The following EMSY variants were observed in gnomAD, a reference collection of about 807,000 sequenced individuals.
The protein encoded by EMSY is BRCA2-interacting transcriptional repressor EMSY.
EMSY carries 26 observed loss-of-function variants against 134.6 expected under a neutral mutation model. The ratio of observed to expected loss-of-function variants is 0.19; its 90% CI spans 0.14 to 0.27. EMSY has a LOEUF of 0.27. Ranked by LOEUF, EMSY falls within the 10% of genes least tolerant of loss-of-function variation. The pLI, the probability that EMSY is intolerant of heterozygous loss-of-function variation, is 1.00. For missense variants in EMSY, 1,305 were observed against 1,611.4 expected (o/e 0.81, Z 3.26); for synonymous variants, 579 against 577.8 (o/e 1.00, Z -0.03).
intron 9 of EMSY, among the ~76,000 whole-genome samples, chr11:76,500,018 A>G (rs888241368): frequency 6.6e-6 from 1 of 150,856 alleles, no homozygotes; most frequent in African/African-American, 2.4e-5. Context: ...TTGAGGTTGC[A>G]GTGAGCTATG....
chr11:76,451,427 A>G (rs1187370053), intron 2 of EMSY, among the ~76,000 whole-genome samples: 1 of 152,216 alleles, frequency 6.6e-6, no homozygotes, highest in Non-Finnish European at 1.5e-5. Flanking sequence ...TCGATTACAC[A>G]GGAGGGAGGT....
At chr11:76,538,402 G>A (rs1951305321) in intron 16 of EMSY, among the ~76,000 whole-genome samples, 1 of 152,074 alleles carries the variant, frequency 6.6e-6, no homozygotes, top group South Asian at 2.1e-4. Context: ...TGGGACTACA[G>A]GTGTGTGCCA....
chr11:76,534,391 A>G (rs1040610655), intron 14 of EMSY, among the ~76,000 whole-genome samples: 4 of 152,216 alleles, frequency 2.6e-5, no homozygotes, highest in Non-Finnish European at 1.5e-5. Context: ...GATAGCATCC[A>G]GTCTTCTGTA....
At chr11:76,531,729 T>C (rs144705319) in intron 14 of EMSY, among the ~76,000 whole-genome samples, 219 of 152,316 alleles carry the variant, frequency 1.4e-3, no homozygotes, top group African/African-American at 5.1e-3. Context: ...CCAGTAGTTT[T>C]AGCATCCATA....
chr11:76,447,879 GA>G (rs1947485451), intron 2 of EMSY, among the ~76,000 whole-genome samples: 1 of 152,066 alleles, frequency 6.6e-6, no homozygotes, highest in Admixed American at 6.5e-5. Context: ...TGAAATAATT[GA>G]AAAAAATAAT....
intron 11 of EMSY, among the ~76,000 whole-genome samples, chr11:76,518,703 A>ATATATATATATT (rs57143914): frequency 0.018 from 2,368 of 129,982 alleles, 23 homozygotes; most frequent in Middle Eastern, 0.033. Flanking sequence ...ATATATATAT[A>ATATATATATATT]TTTTTTTTTT....
intron 8 of EMSY, among the ~76,000 whole-genome samples, chr11:76,491,412 C>T (rs952600901): frequency 1.3e-5 from 2 of 152,156 alleles, no homozygotes; most frequent in African/African-American, 4.8e-5. Flanking sequence ...GAACTCCTGA[C>T]CTCAAGTGGT....
chr11:76,471,374 T>A (rs1007095014), intron 7 of EMSY, among the ~76,000 whole-genome samples: 3 of 152,196 alleles, frequency 2.0e-5, no homozygotes, highest in African/African-American at 4.8e-5. Flanking sequence ...CATTTTACAT[T>A]GGTGTGATAC....
At chr11:76,545,021 A>C (rs973261618) in intron 19 of EMSY, among the ~76,000 whole-genome samples, 199 bp downstream of exon 20, 1 of 152,212 alleles carries the variant, frequency 6.6e-6, no homozygotes, top group Non-Finnish European at 1.5e-5. Flanking sequence ...GTAGGAAGAA[A>C]AAAAAGCATA....
intron 13 of EMSY, 60 bp downstream of exon 14, chr11:76,526,695 C>T: frequency 4.2e-6 from 6 of 1,427,554 alleles, no homozygotes; most frequent in Non-Finnish European, 5.7e-6. Flanking sequence ...TCTTATAATT[C>T]CCGGGTAGAA....
chr11:76,514,014 C>T (rs1360625499), intron 10 of EMSY, among the ~76,000 whole-genome samples: 2 of 152,068 alleles, frequency 1.3e-5, no homozygotes, highest in African/African-American at 2.4e-5. Context: ...GAGGGAAGCA[C>T]AGAATGGTAT....
exon 18 of EMSY, chr11:76,542,336 C>G: frequency 6.2e-7 from 1 of 1,614,172 alleles, no homozygotes; most frequent in Non-Finnish European, 8.5e-7. Context: ...CCAGCATCTT[C>G]CCCTGGAGCA....
intron 4 of EMSY, among the ~76,000 whole-genome samples, chr11:76,456,269 A>G (rs1327088895): frequency 6.6e-6 from 1 of 152,156 alleles, no homozygotes; most frequent in African/African-American, 2.4e-5. Context: ...TTTTCACTCA[A>G]AGTTTGAGCA....
chr11:76,486,415 T>C (rs1949184690), intron 8 of EMSY, among the ~76,000 whole-genome samples: 1 of 152,186 alleles, frequency 6.6e-6, no homozygotes, highest in Non-Finnish European at 1.5e-5. Context: ...AAATGCTTTC[T>C]TGAACAGCAT....
intron 8 of EMSY, among the ~76,000 whole-genome samples, chr11:76,495,226 A>G (rs949347625): frequency 3.3e-5 from 5 of 152,228 alleles, no homozygotes; most frequent in African/African-American, 9.6e-5. Context: ...GATATTATTT[A>G]AAACCTTTTC....
intron 9 of EMSY, among the ~76,000 whole-genome samples, chr11:76,505,906 A>T (rs1250797939): frequency 6.6e-6 from 1 of 151,896 alleles, no homozygotes; most frequent in Non-Finnish European, 1.5e-5. Flanking sequence ...GCTCACACCT[A>T]TAATCCTGAC....
intron 7 of EMSY, among the ~76,000 whole-genome samples, chr11:76,465,600 T>G (rs1279793920): frequency 6.6e-6 from 1 of 151,088 alleles, no homozygotes; most frequent in African/African-American, 2.4e-5. Context: ...TCAAAGTTCC[T>G]TTAAAAAAAA....
At chr11:76,469,204 T>C (rs1476244664) in intron 7 of EMSY, among the ~76,000 whole-genome samples, 2 of 152,198 alleles carry the variant, frequency 1.3e-5, no homozygotes, top group African/African-American at 4.8e-5. Flanking sequence ...TTGCAAATAT[T>C]TGGTACAAGT....
chr11:76,531,659 T>G (rs1951045002), intron 14 of EMSY, among the ~76,000 whole-genome samples: 1 of 152,202 alleles, frequency 6.6e-6, no homozygotes, highest in South Asian at 2.1e-4. Context: ...CCTTTCAGAT[T>G]AATTGTAATT....
Sources: allele counts gnomAD v4.1 joint callset (sites outside exome capture counted in the v4.1 genomes callset), GRCh38; gene constraint gnomAD v4.1.1; transcripts MANE v1.5; gene names NCBI Gene and HGNC (gene_info 2026-07-23, HGNC 2026-07-21).